The following ITGA8 variants were observed in gnomAD, a reference collection of about 807,000 sequenced individuals.
ITGA8 encodes integrin alpha-8.
In ITGA8, 91 loss-of-function variants were observed where a neutral mutation model predicts 142.3. The observed-to-expected ratio is 0.64, with a 90% CI of 0.54 to 0.76. The LOEUF (loss-of-function observed/expected upper bound fraction) is 0.76. Among genes scored for constraint, ITGA8 ranks in the 30% least tolerant of loss-of-function variants. The pLI, the probability that ITGA8 is intolerant of heterozygous loss-of-function variation, is 0.00. For synonymous variants in ITGA8, 505 were observed against 485.2 expected, an observed-to-expected ratio of 1.04 and a Z score of -0.54; for missense variants, 1,406 against 1,327.7, an observed-to-expected ratio of 1.06 and a Z score of -0.92.
chr10:15,653,287 G>C (rs1437778116), intron 11 of ITGA8, among the ~76,000 whole-genome samples: 5 of 152,150 alleles, frequency 3.3e-5, no homozygotes, highest in African/African-American at 1.2e-4. Flanking sequence ...GTTGGGGATT[G>C]TATCCCTTCA....
intron 21 of ITGA8, among the ~76,000 whole-genome samples, chr10:15,596,256 G>A (rs1265815830): frequency 2.0e-5 from 3 of 152,054 alleles, no homozygotes; most frequent in Middle Eastern, 3.2e-3. Flanking sequence ...TGTTGCAGAC[G>A]GGATAGAACA....
chr10:15,623,079 C>G (rs58493806), intron 13 of ITGA8, among the ~76,000 whole-genome samples: 1 of 152,138 alleles, frequency 6.6e-6, no homozygotes, highest in Non-Finnish European at 1.5e-5. Context: ...CTAGTTTCTA[C>G]TTCTAGGAAT....
At chr10:15,565,796 G>T (rs1040011531) in intron 25 of ITGA8, among the ~76,000 whole-genome samples, 3 of 151,652 alleles carry the variant, frequency 2.0e-5, no homozygotes, top group African/African-American at 7.3e-5. Context: ...TGCCATGGTT[G>T]CCAGGCTGGT....
chr10:15,549,058 G>A (rs1833734322), intron 26 of ITGA8, among the ~76,000 whole-genome samples: 1 of 151,922 alleles, frequency 6.6e-6, no homozygotes, highest in South Asian at 2.1e-4. Flanking sequence ...CATTCATTAG[G>A]CTATTTTTTA....
intron 6 of ITGA8, among the ~76,000 whole-genome samples, chr10:15,677,307 A>G (rs1243970494): frequency 6.6e-6 from 1 of 152,212 alleles, no homozygotes; most frequent in Non-Finnish European, 1.5e-5. Context: ...CCCAACACAA[A>G]TGATCAATGT....
At chr10:15,589,634 C>A (rs1478363320) in intron 22 of ITGA8, among the ~76,000 whole-genome samples, 1 of 152,146 alleles carries the variant, frequency 6.6e-6, no homozygotes, top group Non-Finnish European at 1.5e-5. Context: ...CACATTTAAA[C>A]CAAATGCAAA....
At chr10:15,684,901 TA>T (rs1834807653) in intron 3 of ITGA8, among the ~76,000 whole-genome samples, 1 of 152,228 alleles carries the variant, frequency 6.6e-6, no homozygotes, top group African/African-American at 2.4e-5. Context: ...AACAAGCTAG[TA>T]AACCTCTGTT....
At chr10:15,653,991 T>C (rs1393451814) in intron 11 of ITGA8, among the ~76,000 whole-genome samples, 1 of 151,956 alleles carries the variant, frequency 6.6e-6, no homozygotes, top group Non-Finnish European at 1.5e-5. Flanking sequence ...CCCACCACCA[T>C]GCCCGGCTAA....
At chr10:15,619,590 T>C (rs2131622191) in intron 13 of ITGA8, among the ~76,000 whole-genome samples, 1 of 152,324 alleles carries the variant, frequency 6.6e-6, no homozygotes, top group East Asian at 1.9e-4. Context: ...GATGCCGAAG[T>C]TTCTAAGTTT....
chr10:15,519,355 C>T lies in ITGA8; in HGVS notation c.3040G>A (p.Val1014Ile), dbSNP rs374828675. 1.7e-4 allele frequency: 281 copies of T among 1,613,262 alleles called. No homozygotes were observed. The highest frequency in any genetic ancestry group is 6.7e-4 in the Admixed American group (40 of 59,986). Residue 1014 changes from valine to isoleucine, a missense_variant, in exon 29 of 30, where the codon GTA (valine) becomes ATA (isoleucine). Transcript: ENST00000378076. ...CCAAGAAGTATTGCTAGTATTATTACCCATAATGGGATTGAGAAGGAAACA... is the reference window on the plus strand; with the variant it reads ...CCAAGAAGTATTGCTAGTATTATTATCCATAATGGGATTGAGAAGGAAACA... ...PNVSFSIPLW[V>I]IILAILLGLL...
chr10:15,586,637 A>T lies in ITGA8; in HGVS notation c.2319T>A (p.Asn773Lys). Residue 773 changes from asparagine to lysine, a missense_variant, in exon 23 of 30, where the codon AAT becomes AAA. Asn to Lys is a moderately conservative substitution (Grantham distance 94, BLOSUM62 0). Coordinates refer to ENST00000378076, the MANE Select transcript of ITGA8 (RefSeq NM_003638.3). ...RSSNKDNPDS[N>K]FVSLQINITA... ...TGATGTTGATTTGCAGGCTCACAAA[A>T]TTGCTGTCTGGATTGTCCTTGTTGG... 1 of 1,613,146 alleles carries T rather than the reference A, an allele frequency of 6.2e-7. No individual in the cohort carries two copies. The highest frequency in any genetic ancestry group is 8.5e-7 in the Non-Finnish European group (1 of 1,179,192).
At chr10:15,610,107 G>GTAA (rs1833265455) in intron 15 of ITGA8, among the ~76,000 whole-genome samples, 1 of 151,904 alleles carries the variant, frequency 6.6e-6, no homozygotes, top group Non-Finnish European at 1.5e-5. Flanking sequence ...TCATACAAGT[G>GTAA]TAATATCACT....
At chr10:15,698,085 A>G (rs571617252) in intron 2 of ITGA8, among the ~76,000 whole-genome samples, 54 of 152,206 alleles carry the variant, frequency 3.5e-4, no homozygotes, top group African/African-American at 1.3e-3. Context: ...CCAGGTCCCC[A>G]AAGTCCATTG....
At chr10:15,691,009 CT>C (rs1297688558) in intron 2 of ITGA8, among the ~76,000 whole-genome samples, 3 of 152,072 alleles carry the variant, frequency 2.0e-5, no homozygotes, top group Admixed American at 6.6e-5. Flanking sequence ...AACAAATCAC[CT>C]GATTAAAAAT....
rs761532163 is a variant in ITGA8 at position 15,604,340 on chromosome 10, T to G, written c.1986A>C (p.Val662=). The change falls in exon 20 of 30, where the codon GTA becomes GTC. Residue 662 remains valine, a synonymous_variant. Transcript: ENST00000378076. Reference sequence around the variant, plus strand: ...TAAGGTGATTTTCATCTCCAATGATTACCTGATGCTTATCTCTAAAAATGC... The same window carrying G: ...TAAGGTGATTTTCATCTCCAATGATGACCTGATGCTTATCTCTAAAAATGC... ...KLSARPDKHQ[V]IIGDENHLML... is the part of the protein sequence containing the mutation. 1 of 1,610,096 alleles carries G rather than the reference T, an allele frequency of 6.2e-7. No homozygotes were observed. The highest frequency in any genetic ancestry group is 8.5e-7 in the Non-Finnish European group (1 of 1,178,508).
rs1171439502 is a variant in ITGA8, at chr10:15,678,762, T to G, written c.590A>C (p.Gln197Pro). The change falls in exon 5 of 30, where the codon CAG (glutamine) becomes CCG (proline). Residue 197 changes from glutamine (Q) to proline (P), a missense_variant. By Grantham distance (76) the Gln-to-Pro change is moderately conservative (BLOSUM62 -1). Coordinates refer to ENST00000378076, the MANE Select transcript of ITGA8 (RefSeq NM_003638.3). ...ACTAAATCCTGCTTGGCAGTAACCCTGGCCTTCCGGATCAGCATTGCCTAG... is the reference window on the plus strand; with the variant it reads ...ACTAAATCCTGCTTGGCAGTAACCCGGGCCTTCCGGATCAGCATTGCCTAG... ...CRNSNADPEG[Q>P]GYCQAGFSLD... 1 of 1,609,800 alleles carries G rather than the reference T, an allele frequency of 6.2e-7. No homozygotes were observed. The highest frequency in any genetic ancestry group is 8.5e-7 in the Non-Finnish European group (1 of 1,176,426).
rs1466154487 is a variant in ITGA8, at chr10:15,610,511, C to A, written c.1554-2221G>T. Among the ~76,000 whole-genome samples the A allele has an allele frequency of 9.9e-5, 15 of 152,072 alleles. No homozygotes were observed. In the South Asian group the frequency reaches 1.0e-3, roughly 11 times the overall value. On this transcript the variant is annotated intron_variant, in intron 15 of 29. Transcript: ENST00000378076. ...AATAGGTCTGATTGGAACAAAAAAA[C>A]CCATCAAATCAATCCAAGTCCCTTA...
rs76044889 is a variant in ITGA8 at position 15,604,562 on chromosome 10, T to C, written c.1971-207A>G. 3.2e-3 allele frequency among the ~76,000 whole-genome samples: 468 copies of C among 144,898 alleles called. 2 individuals are homozygous for C. Among genetic ancestry groups the C allele is most frequent in the Non-Finnish European group, 3.8e-3 (250 of 66,518 alleles). On this transcript the variant is annotated intron_variant, in intron 19 of 29. Coordinates refer to ENST00000378076, the MANE Select transcript of ITGA8 (RefSeq NM_003638.3). ...ACACCCAGTAGTGTGTTGGTAAATG[T>C]TTAACAACCAGTTCTCAAAAAAAAA...
At chr10:15,690,918 A>G (rs1834922054) in intron 2 of ITGA8, among the ~76,000 whole-genome samples, 1 of 152,168 alleles carries the variant, frequency 6.6e-6, no homozygotes, top group Non-Finnish European at 1.5e-5. Context: ...GAGGCAACCT[A>G]TGAATGGGAG....
Sources: gnomAD v4.1 joint callset for allele counts (sites outside exome capture counted in the v4.1 genomes callset) on GRCh38, gnomAD v4.1.1 for gene constraint, MANE v1.5 for transcripts, NCBI Gene and HGNC (gene_info 2026-07-23, HGNC 2026-07-21) for gene names.